TUT7: variants seen among roughly 807,000 people sequenced by gnomAD.
The protein encoded by TUT7 is terminal uridylyl transferase 7, also known as terminal uridylyltransferase 7.
TUT7 carries 33 observed loss-of-function variants against 165.9 expected under a neutral mutation model. The observed-to-expected ratio is 0.20, with a 90% CI of 0.15 to 0.27. The LOEUF is 0.27. TUT7 is among the 10% of genes least tolerant of loss of function. The pLI is 1.00. For missense variants in TUT7, 1,338 were observed against 1,762.3 expected (o/e 0.76, Z 4.31); for synonymous variants, 552 against 608.1 (o/e 0.91, Z 1.36).
At chr9:86,346,227 A>T (rs1289919354) in intron 3 of TUT7, 72 bp downstream of exon 3, 1 of 1,416,508 alleles carries the variant, frequency 7.1e-7, no homozygotes, top group African/African-American at 1.4e-5. Flanking sequence ...CAGAGCATGC[A>T]TACTCAATTA....
chr9:86,338,082 T>C (rs752770549), intron 9 of TUT7, among the ~76,000 whole-genome samples: 2 of 152,188 alleles, frequency 1.3e-5, no homozygotes, highest in Admixed American at 6.5e-5. Context: ...ATAATTATAA[T>C]TTAGCCAGTG....
chr9:86,335,594 A>G (rs1390007563), intron 10 of TUT7, among the ~76,000 whole-genome samples: 1 of 152,244 alleles, frequency 6.6e-6, no homozygotes, highest in Non-Finnish European at 1.5e-5. Flanking sequence ...AGGCACTACT[A>G]CAATGACTAG....
chr9:86,299,350 A>G (rs879687478), intron 26 of TUT7, among the ~76,000 whole-genome samples: 5 of 74,660 alleles, frequency 6.7e-5, no homozygotes, highest in African/African-American at 2.9e-4. Context: ...TCACAGAGAG[A>G]CTGTCTGTTG....
Position 86,322,905 on chromosome 9 carries a change from C to A in TUT7, c.2845G>T (p.Glu949Ter). Reference sequence around the variant, plus strand: ...TTGGTGAAGATAAGTTTACTGAATTCATAAAAAAAATCAGACTGATCCACA... The same window carrying A: ...TTGGTGAAGATAAGTTTACTGAATTAATAAAAAAAATCAGACTGATCCACA... ...SPVDQSDFFYEFSKLIFTKGK... is the reference protein window; with the variant it reads ...SPVDQSDFFY Residue 949 changes from glutamate (E) to a stop codon, truncating the protein, a stop_gained, in exon 13 of 27, where the codon GAA becomes TAA. Coordinates refer to ENST00000375963, the MANE Select transcript of TUT7 (RefSeq NM_024617.4). LOFTEE classifies it high-confidence loss of function. 1.2e-6 allele frequency: 2 copies of A among 1,605,706 alleles called. No homozygotes were observed. Among genetic ancestry groups the A allele is most frequent in the South Asian group, 2.2e-5 (2 of 89,560 alleles).
At position 86,309,915 on chromosome 9, in the gene TUT7, G is replaced by C. The variant is rs1447797007; in HGVS notation, c.3468+13C>G. The C allele has an allele frequency of 1.2e-6, 2 of 1,605,482 alleles. No homozygotes were observed. Among genetic ancestry groups the C allele is most frequent in the South Asian group, 2.2e-5 (2 of 90,526 alleles). Reference sequence around the variant, plus strand: ...GAAATTTCCTGATAAGTCACAATAGGAAGCATACTCACCTTTGTAAATACT... The same window carrying C: ...GAAATTTCCTGATAAGTCACAATAGCAAGCATACTCACCTTTGTAAATACT... On this transcript the variant is annotated intron_variant, in intron 19 of 26. Coordinates refer to ENST00000375963, the MANE Select transcript of TUT7 (RefSeq NM_024617.4).
chr9:86,328,373 C>T lies in TUT7; in HGVS notation c.1575G>A (p.Glu525=), dbSNP rs1587955488. 6.2e-7 allele frequency: 1 copy of T among 1,605,242 alleles called. No individual in the cohort carries two copies. Among genetic ancestry groups the T allele is most frequent in the South Asian group, 1.1e-5 (1 of 89,546 alleles). The change falls in exon 11 of 27, where the codon GAG becomes GAA. Residue 525 remains glutamate (E), a synonymous_variant. Transcript: ENST00000375963. ...AAGDTGITKE[E]APRETPIKRG... ...TTTTAATCGGCGTTTCTCTTGGTGCCTCTTCTTTTGTTATGCCTGTGTCCC... is the reference window on the plus strand; with the variant it reads ...TTTTAATCGGCGTTTCTCTTGGTGCTTCTTCTTTTGTTATGCCTGTGTCCC...
At chr9:86,315,793 A>G (rs1212493919) in intron 17 of TUT7, among the ~76,000 whole-genome samples, 1 of 152,040 alleles carries the variant, frequency 6.6e-6, no homozygotes, top group Non-Finnish European at 1.5e-5. Flanking sequence ...GAACAAATCA[A>G]TGTACATTTA....
chr9:86,339,093 CA>C, intron 8 of TUT7, 144 bp from the exon 9 acceptor site: 2 of 651,128 alleles, frequency 3.1e-6, no homozygotes, highest in Non-Finnish European at 4.3e-6. Context: ...AAAAAAACTA[CA>C]TCTTTATGAG....
chr9:86,333,570 CTT>C (rs1436892770), intron 10 of TUT7, among the ~76,000 whole-genome samples: 3 of 152,156 alleles, frequency 2.0e-5, no homozygotes, highest in Non-Finnish European at 4.4e-5. Flanking sequence ...CCTTTTAAAT[CTT>C]TTGAGAGTTT....
intron 17 of TUT7, among the ~76,000 whole-genome samples, chr9:86,313,387 C>T (rs1828404154): frequency 6.6e-6 from 1 of 152,104 alleles, no homozygotes; most frequent in Non-Finnish European, 1.5e-5. Flanking sequence ...GCATCTGTAA[C>T]TGGATGGGAA....
intron 14 of TUT7, among the ~76,000 whole-genome samples, chr9:86,320,207 G>GGA (rs1829116103): frequency 6.8e-6 from 1 of 146,330 alleles, no homozygotes; most frequent in South Asian, 2.2e-4. Context: ...TTTTCCCTAA[G>GGA]GAGAACCTAG....
intron 26 of TUT7, among the ~76,000 whole-genome samples, chr9:86,292,991 A>T (rs1031075372): frequency 2.0e-5 from 3 of 152,196 alleles, no homozygotes; most frequent in African/African-American, 7.2e-5. Context: ...CATGTAAAAA[A>T]ACAAAAGTAC....
At position 86,294,527 on chromosome 9, in the gene TUT7, C is replaced by A. The variant is rs1433918918; in HGVS notation, c.4421-5783G>T. ...TTCTATTCCCAAACTCAAAGTATTT[C>A]TATTATTTTTAATTTGCTATCATAA... On this transcript the variant is annotated intron_variant, in intron 26 of 26. Transcript: ENST00000375963. Among the ~76,000 whole-genome samples the A allele has an allele frequency of 5.3e-5, 8 of 151,710 alleles. No individual in the cohort carries two copies. The South Asian group carries it at 1.7e-3, about 31-fold the overall frequency.
rs772243199 is a variant in TUT7, at chr9:86,325,536, A to C, written c.1609-22T>G. On this transcript the variant is annotated intron_variant, in intron 11 of 26. Transcript: ENST00000375963. The stretch of plus-strand genomic sequence containing the variant: ...ACACCTATTAATAGCAAAGAGAAAC[A>C]TACAGGTTATTTCAGATGTAAGTAC... The C allele has an allele frequency of 3.8e-6, 6 of 1,595,174 alleles. No homozygotes were observed. In the South Asian group the frequency reaches 6.7e-5, roughly 18 times the overall value.
intron 6 of TUT7, among the ~76,000 whole-genome samples, chr9:86,341,495 T>G (rs539650147): frequency 1.3e-5 from 2 of 152,320 alleles, no homozygotes; most frequent in South Asian, 4.1e-4. Flanking sequence ...TCCTTACAAC[T>G]CTCAATGACT....
At chr9:86,351,692 A>G (rs1309048517) in intron 2 of TUT7, among the ~76,000 whole-genome samples, 1 of 152,206 alleles carries the variant, frequency 6.6e-6, no homozygotes, top group East Asian at 1.9e-4. Context: ...ATGAAGAGAA[A>G]AGGCATCGGG....
intron 26 of TUT7, among the ~76,000 whole-genome samples, chr9:86,294,686 T>C (rs1826160940): frequency 6.6e-6 from 1 of 151,592 alleles, no homozygotes; most frequent in African/African-American, 2.4e-5. Flanking sequence ...CTCATCTTTC[T>C]TATTAAAGTC....
chr9:86,289,146 C>T lies in TUT7; in HGVS notation c.4421-402G>A, dbSNP rs144647993. Among the ~76,000 whole-genome samples, 43 of 152,148 alleles carry T rather than the reference C, an allele frequency of 2.8e-4. No homozygotes were observed. The East Asian group carries it at 6.0e-3, about 21-fold the overall frequency. The stretch of plus-strand genomic sequence containing the variant: ...ATCTTAGATCATTACTCTGCAGATA[C>T]GAAGCTGTGGATGGTAATCATTGTA... On this transcript the variant is annotated intron_variant, in intron 26 of 26. Transcript: ENST00000375963.
At chr9:86,309,435 T>C (rs771763502) in intron 20 of TUT7, 28 bp downstream of exon 20, 25 of 1,574,240 alleles carry the variant, frequency 1.6e-5, no homozygotes, top group Non-Finnish European at 2.2e-5. Context: ...GTTTTCCAGA[T>C]AAGAAATACA....
Sources: allele counts gnomAD v4.1 joint callset (sites outside exome capture counted in the v4.1 genomes callset), GRCh38; gene constraint gnomAD v4.1.1; transcripts MANE v1.5; gene names NCBI Gene and HGNC (gene_info 2026-07-23, HGNC 2026-07-21).